The following ARHGEF26 variants were observed in gnomAD, a reference collection of about 807,000 sequenced individuals.
ARHGEF26 encodes the protein Rho guanine nucleotide exchange factor (GEF) 26.
ARHGEF26 carries 59 observed loss-of-function variants against 89.4 expected under a neutral mutation model. The observed-to-expected ratio is 0.66, with a 90% CI of 0.54 to 0.82. The LOEUF is 0.82. ARHGEF26 is among the 40% of genes least tolerant of loss of function. The pLI is 0.00. For missense variants in ARHGEF26, 1,234 were observed against 1,085.6 expected, an observed-to-expected ratio of 1.14 and a Z score of -1.92; for synonymous variants, 500 against 428.4, an observed-to-expected ratio of 1.17 and a Z score of -2.06.
At position 154,218,002 on chromosome 3, in the gene ARHGEF26, C is replaced by T. The variant is rs559532613; in HGVS notation, c.1935+44C>T. 8 of 1,503,672 alleles carry T rather than the reference C, an allele frequency of 5.3e-6. No individual in the cohort carries two copies. The South Asian group carries it at 9.7e-5, about 18-fold the overall frequency. 93.1% of individuals were successfully genotyped at this position (1,503,672 alleles called of 1,614,324 possible). A position where few individuals can be genotyped will look rare whatever the true frequency, so the allele number is the denominator to read the frequency against. On this transcript the variant is annotated intron_variant, in intron 10 of 14. Coordinates refer to ENST00000465093, the MANE Select transcript of ARHGEF26 (RefSeq NM_015595.4). ...CATTACTGTTCTTGCCTATGTTTTTCTCTAAATAGAGAGAGACAGTTGAGG... is the reference window on the plus strand; with the variant it reads ...CATTACTGTTCTTGCCTATGTTTTTTTCTAAATAGAGAGAGACAGTTGAGG...
At position 154,256,564 on chromosome 3, in the gene ARHGEF26, AAAAAAAAAAAAC is replaced by A. The variant is rs1216513019; in HGVS notation, c.*1092_*1103del. On this transcript the variant is annotated 3_prime_UTR_variant, in exon 15 of 15. Transcript: ENST00000465093. ...CTAATTAATTAAAAAAAAAAAAAAAAAAAAAAAAAAACCTTCCCAAATGAGCTGATAAAAAAC... is the reference window on the plus strand; with the variant it reads ...CTAATTAATTAAAAAAAAAAAAAAAACTTCCCAAATGAGCTGATAAAAAAC... 74 of 998,718 alleles carry A rather than the reference AAAAAAAAAAAAC, an allele frequency of 7.4e-5. 5 individuals carry two copies. The East Asian group carries it at 1.9e-3, about 26-fold the overall frequency. 61.9% of individuals were successfully genotyped at this position (998,718 alleles called of 1,614,324 possible).
chr3:154,123,176 C>G, intron 2 of ARHGEF26, 101 bp downstream of exon 2: 1 of 1,483,806 alleles, frequency 6.7e-7, no homozygotes, highest in Non-Finnish European at 9.1e-7. Flanking sequence ...GAAGTCATTC[C>G]GTTTTAATTC....
chr3:154,239,400 T>C (rs1717359526), intron 11 of ARHGEF26, among the ~76,000 whole-genome samples: 1 of 147,808 alleles, frequency 6.8e-6, no homozygotes. Context: ...AGGGAGAGGA[T>C]CGGAAACGAT....
chr3:154,141,107 G>A (rs1719350715), intron 4 of ARHGEF26, among the ~76,000 whole-genome samples: 1 of 151,992 alleles, frequency 6.6e-6, no homozygotes, highest in Non-Finnish European at 1.5e-5. Flanking sequence ...GACTACAGGC[G>A]GCTGCCACCT....
intron 12 of ARHGEF26, among the ~76,000 whole-genome samples, chr3:154,252,190 T>C (rs2108302477): frequency 6.6e-6 from 1 of 152,280 alleles, no homozygotes; most frequent in South Asian, 2.1e-4. Flanking sequence ...CTTAAGAATG[T>C]AGAGTGGCAC....
intron 9 of ARHGEF26, among the ~76,000 whole-genome samples, chr3:154,199,112 G>A (rs1714464118): frequency 6.6e-6 from 1 of 151,772 alleles, no homozygotes; most frequent in African/African-American, 2.4e-5. Flanking sequence ...ATTATTGACT[G>A]TAGTCACCCT....
Position 154,254,836 on chromosome 3 carries a change from C to T in ARHGEF26, c.2473+12C>T, listed in dbSNP as rs1490208145. 3.7e-6 allele frequency: 6 copies of T among 1,608,664 alleles called. No homozygotes were observed. Among genetic ancestry groups the T allele is most frequent in the Admixed American group, 3.3e-5 (2 of 59,950 alleles). The stretch of plus-strand genomic sequence containing the variant: ...ACGTGTCAGCGATGGTGAGTGGGAG[C>T]GTTCTTATGGGACACTCGTGGTCCA... On this transcript the variant is annotated intron_variant, in intron 14 of 14. Transcript: ENST00000465093.
At chr3:154,134,902 AC>A (rs1718911164) in intron 4 of ARHGEF26, among the ~76,000 whole-genome samples, 1 of 152,130 alleles carries the variant, frequency 6.6e-6, no homozygotes, top group Admixed American at 6.5e-5. Context: ...TGCATGTTGA[AC>A]CAACCTTGCA....
At chr3:154,186,952 C>T (rs1166431006) in intron 6 of ARHGEF26, among the ~76,000 whole-genome samples, 2 of 114,954 alleles carry the variant, frequency 1.7e-5, no homozygotes, top group Admixed American at 1.2e-4. Context: ...AGTCCAGTGG[C>T]GTGATCTCGG....
chr3:154,257,091 C>A lies in ARHGEF26; in HGVS notation c.*1618C>A. The A allele has an allele frequency of 7.8e-7, 1 of 1,284,262 alleles. No homozygotes were observed. The highest frequency in any genetic ancestry group is 1.0e-6 in the Non-Finnish European group (1 of 974,274). The allele number at this position is 1,284,262 out of a possible 1,614,324, so 79.6% of individuals were successfully genotyped here. A position where few individuals can be genotyped will look rare whatever the true frequency, so the allele number is the denominator to read the frequency against. The stretch of plus-strand genomic sequence containing the variant: ...CTAACTAGTTATCCAAATTGTAAAG[C>A]TACAGAAGCCCAGTTGAGGGGTAAG... On this transcript the variant is annotated 3_prime_UTR_variant, in exon 15 of 15. Transcript: ENST00000465093.
chr3:154,129,203 A>G (rs1316648209), intron 3 of ARHGEF26, among the ~76,000 whole-genome samples: 7 of 152,164 alleles, frequency 4.6e-5, no homozygotes, highest in African/African-American at 9.7e-5. Context: ...TCATAGATAC[A>G]CAATAAATGT....
At chr3:154,202,973 A>G (rs1307634951) in intron 9 of ARHGEF26, among the ~76,000 whole-genome samples, 1 of 152,110 alleles carries the variant, frequency 6.6e-6, no homozygotes, top group East Asian at 1.9e-4. Context: ...CTGTTTTCCT[A>G]ATTGAATACC....
intron 11 of ARHGEF26, among the ~76,000 whole-genome samples, chr3:154,228,416 C>T (rs1716623215): frequency 6.6e-6 from 1 of 150,484 alleles, no homozygotes; most frequent in African/African-American, 2.4e-5. Context: ...GAATTAGAGG[C>T]GTGAGCCACC....
Position 154,256,773 on chromosome 3 carries a change from G to A in ARHGEF26, c.*1300G>A. ...CCAATTGAAACCTTTTGACCTTAGT[G>A]GGAATTCATTCTATTTGCACTAAAA... On this transcript the variant is annotated 3_prime_UTR_variant, in exon 15 of 15. Coordinates refer to ENST00000465093, the MANE Select transcript of ARHGEF26 (RefSeq NM_015595.4). 3.4e-6 allele frequency: 5 copies of A among 1,460,602 alleles called. No homozygotes were observed. The South Asian group carries it at 7.2e-5, about 21-fold the overall frequency. 90.5% of individuals were successfully genotyped at this position (1,460,602 alleles called of 1,614,324 possible).
rs966116384 is a variant in ARHGEF26, at chr3:154,159,997, C to A, written c.1487+7065C>A. 3.9e-5 allele frequency among the ~76,000 whole-genome samples: 6 copies of A among 152,138 alleles called. No individual in the cohort carries two copies. The East Asian group carries it at 5.8e-4, about 15-fold the overall frequency. On this transcript the variant is annotated intron_variant, in intron 6 of 14. Coordinates refer to ENST00000465093, the MANE Select transcript of ARHGEF26 (RefSeq NM_015595.4). ...CATATATACTCAAGATAAACTTACC[C>A]CAGAGTCTTTGGTAAACAAAGCCAT...
In ARHGEF26 at chr3:154,254,234, G is replaced by T. The variant is rs1718338318; in HGVS notation, c.2369-486G>T. On this transcript the variant is annotated intron_variant, in intron 13 of 14. Transcript: ENST00000465093. ...CCGGCCACATGTCAGCATTTCTGAG[G>T]AGGTCTAACATGACTTCTCAGCTTT... Among the ~76,000 whole-genome samples, 8 of 152,316 alleles carry T rather than the reference G, an allele frequency of 5.3e-5. No individual in the cohort carries two copies. The South Asian group carries it at 1.7e-3, about 32-fold the overall frequency.
At chr3:154,231,886 C>T (rs963701623) in intron 11 of ARHGEF26, among the ~76,000 whole-genome samples, 4 of 147,274 alleles carry the variant, frequency 2.7e-5, no homozygotes, top group Non-Finnish European at 6.0e-5. Context: ...CATGTGTACA[C>T]GTTGTAGTAG....
chr3:154,239,283 A>AGTGTGT (rs1717322079), intron 11 of ARHGEF26, among the ~76,000 whole-genome samples: 1 of 104,052 alleles, frequency 9.6e-6, no homozygotes, highest in South Asian at 4.5e-4. Flanking sequence ...AGAGAGAGAG[A>AGTGTGT]GAGAGAGAGA....
At chr3:154,212,443 T>G (rs887563491) in intron 9 of ARHGEF26, among the ~76,000 whole-genome samples, 4 of 152,306 alleles carry the variant, frequency 2.6e-5, no homozygotes, top group Admixed American at 2.6e-4. Flanking sequence ...TTTTATCACT[T>G]AAAGGTGACT....
Sources: allele counts gnomAD v4.1 joint callset (sites outside exome capture counted in the v4.1 genomes callset), GRCh38; gene constraint gnomAD v4.1.1; transcripts MANE v1.5; gene names NCBI Gene and HGNC (gene_info 2026-07-23, HGNC 2026-07-21).